SLC2A13: variants seen among roughly 807,000 people sequenced by gnomAD.
The protein encoded by SLC2A13 is solute carrier family 2 member 13.
Under a neutral mutation model 64.4 loss-of-function variants are expected in SLC2A13, and 32 were observed. That is an observed-to-expected ratio of 0.50 (90% CI 0.37 to 0.67). The LOEUF (loss-of-function observed/expected upper bound fraction) is 0.67. Ranked by LOEUF, SLC2A13 falls within the 30% of genes least tolerant of loss-of-function variation. The pLI, the probability that SLC2A13 is intolerant of heterozygous loss-of-function variation, is 0.00. For missense variants in SLC2A13, 743 were observed against 829.2 expected, an observed-to-expected ratio of 0.90 and a Z score of 1.28; for synonymous variants, 338 against 327.1, an observed-to-expected ratio of 1.03 and a Z score of -0.36.
chr12:39,760,850 G>T (rs1592109817), intron 9 of SLC2A13, among the ~76,000 whole-genome samples: 1 of 150,808 alleles, frequency 6.6e-6, no homozygotes, highest in East Asian at 2.0e-4. Context: ...TGAGATATAT[G>T]AATGTATGAC....
At chr12:39,992,558 C>T (rs1015463652) in intron 3 of SLC2A13, among the ~76,000 whole-genome samples, 4 of 151,998 alleles carry the variant, frequency 2.6e-5, no homozygotes. Flanking sequence ...TGTTTTCCTT[C>T]CTTTTCATCC....
chr12:39,941,812 A>C (rs910065850), intron 4 of SLC2A13, among the ~76,000 whole-genome samples: 3 of 152,060 alleles, frequency 2.0e-5, no homozygotes, highest in Non-Finnish European at 4.4e-5. Context: ...GGTTTCTTCC[A>C]ATGTTATCTT....
At chr12:39,980,660 C>A (rs1946874475) in intron 3 of SLC2A13, among the ~76,000 whole-genome samples, 1 of 150,042 alleles carries the variant, frequency 6.7e-6, no homozygotes, top group Admixed American at 6.6e-5. Context: ...ACAGGAGCAC[C>A]CAGATTCATA....
At chr12:39,834,764 A>C (rs150860732) in intron 6 of SLC2A13, among the ~76,000 whole-genome samples, 292 of 152,158 alleles carry the variant, frequency 1.9e-3, no homozygotes, top group Non-Finnish European at 2.8e-3. Context: ...TTCATCCTTG[A>C]CCTGGAATTG....
intron 3 of SLC2A13, among the ~76,000 whole-genome samples, chr12:39,952,122 A>G (rs1305925794): frequency 1.3e-5 from 2 of 152,168 alleles, no homozygotes; most frequent in African/African-American, 4.8e-5. Flanking sequence ...GGAAAGCTGT[A>G]AATCTGAACC....
At chr12:39,822,851 G>A (rs1942562738) in intron 7 of SLC2A13, among the ~76,000 whole-genome samples, 1 of 152,210 alleles carries the variant, frequency 6.6e-6, no homozygotes, top group African/African-American at 2.4e-5. Context: ...GGATAAAACT[G>A]TTAACAAGTG....
chr12:39,801,917 C>T (rs1941805490), intron 7 of SLC2A13, among the ~76,000 whole-genome samples: 1 of 152,160 alleles, frequency 6.6e-6, no homozygotes. Context: ...AGGCACCATT[C>T]TAGGTGCTGC....
intron 2 of SLC2A13, among the ~76,000 whole-genome samples, chr12:40,043,043 G>A (rs1948116992): frequency 6.6e-6 from 1 of 151,870 alleles, no homozygotes. Flanking sequence ...AGTGGAGTCG[G>A]GGGCAACACT....
intron 1 of SLC2A13, among the ~76,000 whole-genome samples, chr12:40,070,816 C>A (rs913339970): frequency 3.9e-5 from 6 of 152,118 alleles, no homozygotes; most frequent in African/African-American, 1.4e-4. Flanking sequence ...TTTTCTTATT[C>A]CTAACCACAT....
chr12:39,884,169 A>G (rs999926347), intron 4 of SLC2A13, among the ~76,000 whole-genome samples: 5 of 152,150 alleles, frequency 3.3e-5, no homozygotes, highest in African/African-American at 4.8e-5. Context: ...GGGTCTCACT[A>G]TGTTGCTCAG....
chr12:39,952,744 T>C (rs893392750), intron 3 of SLC2A13, among the ~76,000 whole-genome samples: 18 of 152,158 alleles, frequency 1.2e-4, no homozygotes, highest in African/African-American at 4.3e-4. Flanking sequence ...AAATGTCAAA[T>C]TGCCTTAGAT....
intron 3 of SLC2A13, among the ~76,000 whole-genome samples, chr12:40,021,482 C>A (rs973303246): frequency 1.8e-4 from 28 of 152,308 alleles, no homozygotes; most frequent in African/African-American, 6.7e-4. Flanking sequence ...CAGCTTACAG[C>A]TTAACATAAG....
chr12:39,854,934 T>C (rs965475949), intron 6 of SLC2A13, among the ~76,000 whole-genome samples: 2 of 152,226 alleles, frequency 1.3e-5, no homozygotes, highest in Non-Finnish European at 2.9e-5. Context: ...CTCCCTCCTC[T>C]GTGACGGGTC....
intron 4 of SLC2A13, among the ~76,000 whole-genome samples, chr12:39,912,240 T>TTTCAC (rs1565538603): frequency 3.9e-5 from 6 of 152,054 alleles, no homozygotes; most frequent in African/African-American, 1.5e-4. Flanking sequence ...ATGTGCTTGA[T>TTTCAC]AATCATCTGT....
At chr12:39,940,951 G>C (rs747424537) in intron 4 of SLC2A13, among the ~76,000 whole-genome samples, 64 of 151,742 alleles carry the variant, frequency 4.2e-4, no homozygotes, top group Non-Finnish European at 2.8e-4. Context: ...CCATATCAGT[G>C]AGAACATATG....
At chr12:39,761,615 A>G (rs1940149783) in intron 9 of SLC2A13, among the ~76,000 whole-genome samples, 1 of 57,296 alleles carries the variant, frequency 1.7e-5, no homozygotes, top group Non-Finnish European at 3.3e-5. Context: ...GCTCTTGGAG[A>G]ATGGGGGAAT....
intron 1 of SLC2A13, among the ~76,000 whole-genome samples, chr12:40,075,054 C>G (rs1206440243): frequency 6.6e-6 from 1 of 152,128 alleles, no homozygotes; most frequent in Non-Finnish European, 1.5e-5. Context: ...CTGAAGCAGA[C>G]CTCATTTAAA....
intron 7 of SLC2A13, chr12:39,802,113 C>G (rs1035164716): frequency 4.6e-5 from 7 of 152,158 alleles, no homozygotes; most frequent in African/African-American, 1.7e-4. Flanking sequence ...TCAGGAAGGC[C>G]CCGCTGGTTT....
chr12:39,986,238 G>T (rs1292131741), intron 3 of SLC2A13, among the ~76,000 whole-genome samples: 1 of 152,092 alleles, frequency 6.6e-6, no homozygotes, highest in African/African-American at 2.4e-5. Flanking sequence ...CTTGGGGTTA[G>T]GATTTCAATA....
Sources: allele counts gnomAD v4.1 joint callset (sites outside exome capture counted in the v4.1 genomes callset), GRCh38; gene constraint gnomAD v4.1.1; transcripts MANE v1.5; gene names NCBI Gene and HGNC (gene_info 2026-07-23, HGNC 2026-07-21).